KCNK1: variants seen among roughly 807,000 people sequenced by gnomAD.
KCNK1 encodes the protein potassium two pore domain channel subfamily K member 1, also known as potassium channel subfamily K member 1.
In KCNK1, 10 loss-of-function variants were observed where a neutral mutation model predicts 22.2. The observed-to-expected ratio is 0.45, with a 90% confidence interval of 0.28 to 0.76. The LOEUF (loss-of-function observed/expected upper bound fraction) is 0.76, where lower values mean the gene tolerates loss of function less well. KCNK1 is among the 30% of genes least tolerant of loss of function. KCNK1 has a pLI of 0.14. For missense variants in KCNK1, 378 were observed against 421.0 expected, an observed-to-expected ratio of 0.90 and a Z score of 0.89; for synonymous variants, 200 against 186.4, an observed-to-expected ratio of 1.07 and a Z score of -0.60.
At chr1:233,653,620 T>C (rs780959244) in intron 1 of KCNK1, among the ~76,000 whole-genome samples, 6 of 152,136 alleles carry the variant, frequency 3.9e-5, no homozygotes, top group Non-Finnish European at 8.8e-5. Flanking sequence ...GGGCTATTTG[T>C]CTTTTGTTGA....
intron 1 of KCNK1, among the ~76,000 whole-genome samples, chr1:233,648,346 T>TA (rs751435551): frequency 2.6e-5 from 4 of 152,194 alleles, no homozygotes; most frequent in Non-Finnish European, 5.9e-5. Flanking sequence ...AAGAGAGAAT[T>TA]AGATAACAAA....
chr1:233,617,194 T>A (rs992516514), intron 1 of KCNK1, among the ~76,000 whole-genome samples: 2 of 152,242 alleles, frequency 1.3e-5, no homozygotes, highest in Non-Finnish European at 2.9e-5. Flanking sequence ...TGGTAGTCAT[T>A]GTTGTAACAC....
intron 1 of KCNK1, among the ~76,000 whole-genome samples, chr1:233,618,460 T>G (rs2102880161): frequency 6.6e-6 from 1 of 152,270 alleles, no homozygotes; most frequent in East Asian, 1.9e-4. Flanking sequence ...TTATTAAACT[T>G]TGGTAGCCAT....
chr1:233,646,040 A>T (rs141910266), intron 1 of KCNK1, among the ~76,000 whole-genome samples: 1 of 152,214 alleles, frequency 6.6e-6, no homozygotes, highest in Non-Finnish European at 1.5e-5. Flanking sequence ...GAGAGGTGAG[A>T]GGTGATGGTG....
chr1:233,645,773 C>T (rs1288137847), intron 1 of KCNK1, among the ~76,000 whole-genome samples: 1 of 152,164 alleles, frequency 6.6e-6, no homozygotes, highest in Non-Finnish European at 1.5e-5. Flanking sequence ...GGGGAAATAA[C>T]AGAAGCTGAT....
chr1:233,638,370 G>A (rs777852851), intron 1 of KCNK1, among the ~76,000 whole-genome samples: 4 of 151,604 alleles, frequency 2.6e-5, no homozygotes, highest in Non-Finnish European at 5.9e-5. Flanking sequence ...ATTAAAAATG[G>A]CTCTTTTCCT....
At chr1:233,623,724 G>A (rs570484269) in intron 1 of KCNK1, among the ~76,000 whole-genome samples, 2 of 152,116 alleles carry the variant, frequency 1.3e-5, no homozygotes, top group African/African-American at 4.8e-5. Context: ...GAGTAACTGG[G>A]ACCACAGGCG....
intron 1 of KCNK1, among the ~76,000 whole-genome samples, chr1:233,661,370 G>A (rs929685465): frequency 6.6e-6 from 1 of 152,154 alleles, no homozygotes; most frequent in African/African-American, 2.4e-5. Flanking sequence ...AAGAATTGAT[G>A]CCATGTCCCA....
chr1:233,631,649 A>G (rs1178385113), intron 1 of KCNK1, among the ~76,000 whole-genome samples: 1 of 152,102 alleles, frequency 6.6e-6, no homozygotes, highest in Admixed American at 6.6e-5. Flanking sequence ...CAGTAAGACA[A>G]TTCATTTATT....
At chr1:233,615,100 G>A (rs1157616351) in intron 1 of KCNK1, among the ~76,000 whole-genome samples, 1 of 152,250 alleles carries the variant, frequency 6.6e-6, no homozygotes, top group Admixed American at 6.5e-5. Context: ...CTTGGAGGCA[G>A]TTTTGGGGGT....
At chr1:233,618,647 A>T (rs1657526540) in intron 1 of KCNK1, among the ~76,000 whole-genome samples, 1 of 152,190 alleles carries the variant, frequency 6.6e-6, no homozygotes, top group South Asian at 2.1e-4. Context: ...GCACTTTGGG[A>T]GGCCGAGGCA....
intron 1 of KCNK1, among the ~76,000 whole-genome samples, chr1:233,626,785 T>C (rs1270837333): frequency 6.6e-6 from 1 of 152,200 alleles, no homozygotes; most frequent in Non-Finnish European, 1.5e-5. Context: ...TTTGGGAAAC[T>C]GTAGAGAAAG....
At chr1:233,624,193 C>T (rs701214) in intron 1 of KCNK1, 18,583 of 153,986 alleles carry the variant, frequency 0.12, 1,272 homozygotes, top group African/African-American at 0.16. Flanking sequence ...TTCATCATTT[C>T]GTCTGAATAG....
At chr1:233,619,792 C>T (rs545060616) in intron 1 of KCNK1, among the ~76,000 whole-genome samples, 5 of 152,072 alleles carry the variant, frequency 3.3e-5, no homozygotes, top group African/African-American at 9.6e-5. Context: ...CACCTGTAAT[C>T]CCAGCTACTC....
intron 1 of KCNK1, among the ~76,000 whole-genome samples, chr1:233,662,455 T>C (rs1222674070): frequency 6.6e-6 from 1 of 152,214 alleles, no homozygotes; most frequent in Non-Finnish European, 1.5e-5. Flanking sequence ...CTGGTGTATG[T>C]GAAGAAGTTG....
In KCNK1 at chr1:233,671,380, C is replaced by T. The variant is rs1325405461; in HGVS notation, c.861C>T (p.Asp287=). 8.7e-6 allele frequency: 14 copies of T among 1,614,048 alleles called. No individual in the cohort carries two copies. Among genetic ancestry groups the T allele is most frequent in the Middle Eastern group, 1.6e-4 (1 of 6,084 alleles). ...RKMFYVKKDK[D]EDQVHIIEHD... is the part of the protein sequence containing the mutation. ...TGTTCTATGTGAAGAAGGACAAGGACGAGGATCAGGTGCACATCATAGAGC... is the reference window on the plus strand; with the variant it reads ...TGTTCTATGTGAAGAAGGACAAGGATGAGGATCAGGTGCACATCATAGAGC... Residue 287 remains aspartate, a synonymous_variant, in exon 3 of 3, where the codon GAC becomes GAT. Transcript: ENST00000366621.
Position 233,671,279 on chromosome 1 carries a change from C to T in KCNK1, c.760C>T (p.Leu254=). The change falls in exon 3 of 3, where the codon CTA becomes TTA. Residue 254 remains leucine (L), a synonymous_variant. Transcript: ENST00000366621. ...LYKIGITCYL[L]LGLIAMLVVL... is the part of the protein sequence containing the mutation. ...TCCTGTTTCTCACACAGGTTACCTG[C>T]TACTTGGCCTTATTGCCATGTTGGT... 6.2e-7 allele frequency: 1 copy of T among 1,614,108 alleles called. No homozygotes were observed. Among genetic ancestry groups the T allele is most frequent in the Non-Finnish European group, 8.5e-7 (1 of 1,179,940 alleles).
chr1:233,660,556 G>C (rs1045701891), intron 1 of KCNK1: 2 of 152,088 alleles, frequency 1.3e-5, no homozygotes, highest in Admixed American at 1.3e-4. Flanking sequence ...AATATGAAAG[G>C]CATGTAGGTT....
intron 1 of KCNK1, among the ~76,000 whole-genome samples, chr1:233,664,281 A>T (rs1409794909): frequency 2.0e-5 from 3 of 152,174 alleles, no homozygotes; most frequent in Non-Finnish European, 2.9e-5. Context: ...TGCCTTCCTC[A>T]GAACGAGTCT....
Sources: gnomAD v4.1 joint callset for allele counts (sites outside exome capture counted in the v4.1 genomes callset) on GRCh38, gnomAD v4.1.1 for gene constraint, MANE v1.5 for transcripts, NCBI Gene and HGNC (gene_info 2026-07-23, HGNC 2026-07-21) for gene names.